The following ERGIC2 variants were observed in gnomAD, a reference collection of about 807,000 sequenced individuals.
ERGIC2 encodes the protein ERGIC and golgi 2.
In ERGIC2, 31 loss-of-function variants were observed where a neutral mutation model predicts 52.5. That is an observed-to-expected ratio of 0.59 (90% confidence interval 0.44 to 0.80). The LOEUF (loss-of-function observed/expected upper bound fraction) is 0.80. Ranked by LOEUF, ERGIC2 falls within the 30% of genes least tolerant of loss-of-function variation. The pLI is 0.00. For missense variants in ERGIC2, 395 were observed against 455.2 expected (o/e 0.87, Z 1.20); for synonymous variants, 129 against 140.6 (o/e 0.92, Z 0.58).
At chr12:29,360,852 A>G (rs1207498087) in intron 6 of ERGIC2, among the ~76,000 whole-genome samples, 1 of 151,802 alleles carries the variant, frequency 6.6e-6, no homozygotes, top group African/African-American at 2.4e-5. Context: ...CCACACTGTA[A>G]GAAGAATTAT....
In ERGIC2 at chr12:29,337,861, A is replaced by G. The variant is rs1028817411; in HGVS notation, c.*3295T>C. 1.3e-5 allele frequency: 2 copies of G among 152,184 alleles called. No homozygotes were observed. Among genetic ancestry groups the G allele is most frequent in the Non-Finnish European group, 2.9e-5 (2 of 68,026 alleles). 9.4% of individuals were successfully genotyped at this position (152,184 alleles called of 1,614,324 possible). On this transcript the variant is annotated 3_prime_UTR_variant, in exon 14 of 14. Coordinates refer to ENST00000360150, the MANE Select transcript of ERGIC2 (RefSeq NM_016570.3). Reference sequence around the variant, plus strand: ...AGGACATAGATGGAATGCACAGTGTATCTCTCTTACACTATTAAAAAATTA... The same window carrying G: ...AGGACATAGATGGAATGCACAGTGTGTCTCTCTTACACTATTAAAAAATTA...
At chr12:29,343,071 G>A (rs377138350) in intron 12 of ERGIC2, 49 bp downstream of exon 12, 9 of 1,483,964 alleles carry the variant, frequency 6.1e-6, no homozygotes, top group African/African-American at 1.4e-5. Context: ...AGCAACTTAA[G>A]TATAAGCAAC....
At chr12:29,361,328 G>A (rs1940284061) in intron 6 of ERGIC2, among the ~76,000 whole-genome samples, 2 of 151,962 alleles carry the variant, frequency 1.3e-5, no homozygotes, top group African/African-American at 4.8e-5. Flanking sequence ...GGACAATCTT[G>A]CTTTATATCA....
chr12:29,347,160 G>T (rs1940064322), intron 10 of ERGIC2, among the ~76,000 whole-genome samples: 1 of 152,178 alleles, frequency 6.6e-6, no homozygotes, highest in African/African-American at 2.4e-5. Flanking sequence ...TGGAAGGAAT[G>T]ATTCATCTGC....
At chr12:29,348,785 C>A (rs1940093142) in intron 10 of ERGIC2, among the ~76,000 whole-genome samples, 1 of 151,868 alleles carries the variant, frequency 6.6e-6, no homozygotes, top group African/African-American at 2.4e-5. Context: ...TGCAGTTATG[C>A]CCTGTTAATG....
intron 8 of ERGIC2, among the ~76,000 whole-genome samples, chr12:29,351,937 T>A (rs1940136120): frequency 6.6e-6 from 1 of 152,256 alleles, no homozygotes; most frequent in East Asian, 1.9e-4. Flanking sequence ...GTATTCTTTT[T>A]AGCACAATTA....
At chr12:29,356,879 A>G (rs997957355) in intron 7 of ERGIC2, among the ~76,000 whole-genome samples, 4 of 152,184 alleles carry the variant, frequency 2.6e-5, no homozygotes, top group African/African-American at 9.6e-5. Flanking sequence ...AAATTCAAAG[A>G]GACAGTGACA....
intron 5 of ERGIC2, among the ~76,000 whole-genome samples, chr12:29,363,500 TG>T (rs1162770131): frequency 6.6e-6 from 1 of 151,908 alleles, no homozygotes; most frequent in Non-Finnish European, 1.5e-5. Flanking sequence ...ATATTACTAA[TG>T]AAAAGTATAC....
chr12:29,368,340 G>A, intron 3 of ERGIC2, 53 bp from the exon 4 acceptor site: 4 of 943,468 alleles, frequency 4.2e-6, no homozygotes, highest in South Asian at 2.8e-5. Flanking sequence ...AGCAAAACAT[G>A]AGAAATATAA....
At chr12:29,369,277 G>A (rs564958645) in intron 3 of ERGIC2, among the ~76,000 whole-genome samples, 27 of 151,934 alleles carry the variant, frequency 1.8e-4, no homozygotes, top group African/African-American at 6.0e-4. Flanking sequence ...GTATTGCATT[G>A]GTGCTGAAAA....
chr12:29,346,199 T>G (rs1310276808), intron 10 of ERGIC2, among the ~76,000 whole-genome samples: 1 of 149,518 alleles, frequency 6.7e-6, no homozygotes, highest in East Asian at 2.0e-4. Context: ...TTTCCTTTTT[T>G]TTTTTTTGAG....
At chr12:29,374,293 A>C (rs1940484786) in intron 1 of ERGIC2, among the ~76,000 whole-genome samples, 1 of 152,140 alleles carries the variant, frequency 6.6e-6, no homozygotes, top group Non-Finnish European at 1.5e-5. Context: ...TTTCTTCTCG[A>C]AACATTCTCT....
chr12:29,361,020 G>A (rs1014510441), intron 6 of ERGIC2, among the ~76,000 whole-genome samples: 1 of 152,192 alleles, frequency 6.6e-6, no homozygotes, highest in Non-Finnish European at 1.5e-5. Flanking sequence ...GCCAACATGG[G>A]CGGATCACTT....
At chr12:29,363,970 C>T (rs1300316930) in intron 5 of ERGIC2, among the ~76,000 whole-genome samples, 2 of 151,786 alleles carry the variant, frequency 1.3e-5, no homozygotes, top group African/African-American at 4.8e-5. Flanking sequence ...CCAAAAGAAA[C>T]ATAAAAATGA....
chr12:29,342,758 T>C (rs1949848407), intron 12 of ERGIC2, among the ~76,000 whole-genome samples: 1 of 152,210 alleles, frequency 6.6e-6, no homozygotes, highest in South Asian at 2.1e-4. Flanking sequence ...ATAGCACACT[T>C]GCAAATTAGG....
At chr12:29,365,906 A>G (rs1259484617) in intron 5 of ERGIC2, among the ~76,000 whole-genome samples, 1 of 151,950 alleles carries the variant, frequency 6.6e-6, no homozygotes, top group Non-Finnish European at 1.5e-5. Flanking sequence ...GGCAATAACA[A>G]AAGTTACTGT....
At position 29,340,873 on chromosome 12, in the gene ERGIC2, C is replaced by T; in HGVS notation, c.*283G>A. 2.1e-6 allele frequency: 1 copy of T among 476,760 alleles called. No homozygotes were observed. Among genetic ancestry groups the T allele is most frequent in the South Asian group, 1.8e-5 (1 of 56,710 alleles). The allele number at this position is 476,760 out of a possible 1,614,324, so 29.5% of individuals were successfully genotyped here. Reference sequence around the variant, plus strand: ...GAAGCAATGTCTGATTTTGATACCACCCATTTGCTATGAAAATATAAGAAG... The same window carrying T: ...GAAGCAATGTCTGATTTTGATACCATCCATTTGCTATGAAAATATAAGAAG... On this transcript the variant is annotated 3_prime_UTR_variant, in exon 14 of 14. Coordinates refer to ENST00000360150, the MANE Select transcript of ERGIC2 (RefSeq NM_016570.3).
At chr12:29,372,677 C>A (rs1403626717) in intron 1 of ERGIC2, among the ~76,000 whole-genome samples, 3 of 146,332 alleles carry the variant, frequency 2.1e-5, no homozygotes, top group Admixed American at 6.8e-5. Context: ...TTTTTTGAGA[C>A]AGGATCTTGC....
chr12:29,345,584 A>T (rs1565535892), intron 10 of ERGIC2, 44 bp from the exon 11 acceptor site: 8 of 959,262 alleles, frequency 8.3e-6, no homozygotes, highest in Non-Finnish European at 1.3e-5. Context: ...TAGCAACAAA[A>T]CTACTGCCAA....
Sources: gnomAD v4.1 joint callset for allele counts (sites outside exome capture counted in the v4.1 genomes callset) on GRCh38, gnomAD v4.1.1 for gene constraint, MANE v1.5 for transcripts, NCBI Gene and HGNC (gene_info 2026-07-23, HGNC 2026-07-21) for gene names.